The following DLGAP1 variants were observed in gnomAD, a reference collection of about 807,000 sequenced individuals.
The protein encoded by DLGAP1 is DLG associated protein 1, also known as disks large-associated protein 1.
In DLGAP1, 11 loss-of-function variants were observed where a neutral mutation model predicts 90.8. The observed-to-expected ratio is 0.12, with a 90% CI of 0.08 to 0.20. DLGAP1 has a LOEUF of 0.20. DLGAP1 is among the 10% of genes least tolerant of loss of function. The pLI is 1.00. For missense variants in DLGAP1, 1,050 were observed against 1,333.8 expected, an observed-to-expected ratio of 0.79 and a Z score of 3.31; for synonymous variants, 558 against 540.7, an observed-to-expected ratio of 1.03 and a Z score of -0.44.
At chr18:4,083,331 A>G (rs9952950) in intron 2 of DLGAP1, among the ~76,000 whole-genome samples, 47,727 of 151,996 alleles carry the variant, frequency 0.31, 7,575 homozygotes, top group East Asian at 0.34. Flanking sequence ...CTTCTACTTC[A>G]TTCTCATCTT....
chr18:3,576,361 T>A (rs1181534174), intron 8 of DLGAP1, among the ~76,000 whole-genome samples: 1 of 144,070 alleles, frequency 6.9e-6, no homozygotes, highest in Non-Finnish European at 1.5e-5. Context: ...CAGGGTTCAA[T>A]CAATTCTCTG....
chr18:3,508,703 C>A, intron 10 of DLGAP1, 42 bp from the exon 11 acceptor site: 2 of 1,503,382 alleles, frequency 1.3e-6, no homozygotes, highest in Non-Finnish European at 1.8e-6. Flanking sequence ...CATCATGCTT[C>A]ATTGTTGAGA....
chr18:3,879,708 G>T lies in DLGAP1; in HGVS notation c.361C>A (p.Leu121Met). Residue 121 changes from leucine to methionine, a missense_variant, in exon 4 of 13, where the codon CTG (leucine) becomes ATG (methionine). Physicochemically the swap from Leu to Met is conservative, Grantham distance 15. This residue lies in a region of DLGAP1 where 485 missense variants were observed against 454.1 expected (regional missense o/e 1.07). Coordinates refer to ENST00000315677, the MANE Select transcript of DLGAP1 (RefSeq NM_004746.4). The surrounding 1 kb of genome is among the most constrained non-coding windows in gnomAD (Gnocchi z 6.6). ...LPLSRDGYHT[L>M]QYKRTAVEHR... ...TCCACGGCCGTGCGCTTGTACTGCA[G>T]GGTGTGATAGCCATCGCGGCTGAGT... is the stretch of plus-strand genomic sequence containing the variant. 1 of 1,608,758 alleles carries T rather than the reference G, an allele frequency of 6.2e-7. No individual in the cohort carries two copies. The highest frequency in any genetic ancestry group is 8.5e-7 in the Non-Finnish European group (1 of 1,179,866).
At chr18:3,768,201 C>T (rs2064345877) in intron 5 of DLGAP1, among the ~76,000 whole-genome samples, 1 of 152,088 alleles carries the variant, frequency 6.6e-6, no homozygotes. Context: ...ATACCATTTA[C>T]AACTGCTTAG....
At chr18:3,529,187 G>A (rs1461503451) in intron 10 of DLGAP1, among the ~76,000 whole-genome samples, 2 of 152,224 alleles carry the variant, frequency 1.3e-5, no homozygotes, top group East Asian at 3.8e-4. Context: ...CCTATAGGAG[G>A]TGAGTTGGTC....
intron 2 of DLGAP1, among the ~76,000 whole-genome samples, chr18:4,104,152 TTTCTTAAAGA>T (rs1246440616): frequency 2.0e-5 from 3 of 152,174 alleles, no homozygotes; most frequent in African/African-American, 7.2e-5. Context: ...AAATTATTTG[TTTCTTAAAGA>T]TTCAGTAGAA....
intron 7 of DLGAP1, among the ~76,000 whole-genome samples, chr18:3,710,487 T>C (rs1444100682): frequency 6.6e-6 from 1 of 152,240 alleles, no homozygotes; most frequent in Non-Finnish European, 1.5e-5. Flanking sequence ...TTCTCCCCAC[T>C]GTTCCCAGAA....
At chr18:4,172,740 A>T (rs2077044537) in intron 1 of DLGAP1, among the ~76,000 whole-genome samples, 1 of 152,234 alleles carries the variant, frequency 6.6e-6, no homozygotes, top group African/African-American at 2.4e-5. Context: ...AACCCAGAAA[A>T]ATTAGAAGAA....
intron 10 of DLGAP1, among the ~76,000 whole-genome samples, chr18:3,510,728 C>T (rs973723534): frequency 3.3e-5 from 5 of 152,180 alleles, no homozygotes; most frequent in Admixed American, 1.3e-4. Context: ...TGGGAGCTAT[C>T]GCAGAAACTC....
chr18:3,817,205 G>T (rs1218353795), intron 4 of DLGAP1, among the ~76,000 whole-genome samples: 1 of 152,164 alleles, frequency 6.6e-6, no homozygotes, highest in African/African-American at 2.4e-5. Context: ...GTATGTCAGA[G>T]ACTAATGACA....
In DLGAP1 at chr18:3,525,101, AAATC is replaced by A. The variant is rs752867983; in HGVS notation, c.2479+9089_2479+9092del. ...ACAGTGTTCTGGGGGAAAAAAAAAA[AAATC>A]AACAACATTATTTTGTTTTTAAAGA... On this transcript the variant is annotated intron_variant, in intron 10 of 12. Coordinates refer to ENST00000315677, the MANE Select transcript of DLGAP1 (RefSeq NM_004746.4). Among the ~76,000 whole-genome samples the A allele has an allele frequency of 2.6e-3, 368 of 139,880 alleles. 1 individual carries two copies. Among genetic ancestry groups the A allele is most frequent in the South Asian group, 0.016 (72 of 4,612 alleles). The allele number at this position is 139,880 out of a possible 152,430, so 91.8% of individuals were successfully genotyped here.
intron 7 of DLGAP1, among the ~76,000 whole-genome samples, chr18:3,713,450 G>T (rs1049894635): frequency 6.6e-6 from 1 of 152,210 alleles, no homozygotes; most frequent in Non-Finnish European, 1.5e-5. Context: ...TTGTGCATGT[G>T]GGGGAGGCTT....
intron 1 of DLGAP1, among the ~76,000 whole-genome samples, chr18:4,188,915 T>A (rs1409315544): frequency 6.6e-6 from 1 of 152,212 alleles, no homozygotes; most frequent in Admixed American, 6.5e-5. Context: ...GAAGACCTTT[T>A]ACTCACTGGA....
At chr18:3,867,359 T>C (rs1231448131) in intron 4 of DLGAP1, among the ~76,000 whole-genome samples, 1 of 152,072 alleles carries the variant, frequency 6.6e-6, no homozygotes, top group Non-Finnish European at 1.5e-5. Flanking sequence ...CCCTTCCAAA[T>C]TATGTAATAA....
intron 9 of DLGAP1, among the ~76,000 whole-genome samples, chr18:3,551,752 C>CTTCCTTCCTTCT (rs2053485554): frequency 1.2e-5 from 1 of 85,274 alleles, no homozygotes; most frequent in Non-Finnish European, 2.2e-5. Flanking sequence ...TCCTTCCTTC[C>CTTCCTTCCTTCT]TTCCTTCCTT....
intron 1 of DLGAP1, among the ~76,000 whole-genome samples, chr18:4,281,759 G>A (rs961218819): frequency 6.6e-6 from 1 of 151,934 alleles, no homozygotes. Context: ...TTTCCTTCAG[G>A]GGTTGTATAA....
chr18:3,820,097 T>C (rs2067323673), intron 4 of DLGAP1, among the ~76,000 whole-genome samples: 1 of 152,142 alleles, frequency 6.6e-6, no homozygotes, highest in Admixed American at 6.6e-5. Flanking sequence ...GAGACGATGA[T>C]TGAGAGATGA....
chr18:3,958,622 CAAA>C (rs11342881), intron 3 of DLGAP1, among the ~76,000 whole-genome samples: 14 of 123,534 alleles, frequency 1.1e-4, no homozygotes, highest in Non-Finnish European at 1.0e-4. Flanking sequence ...ATCCTCTTTA[CAAA>C]AAAAAAAAAA....
chr18:4,224,500 C>A (rs1480294301), intron 1 of DLGAP1, among the ~76,000 whole-genome samples: 1 of 152,256 alleles, frequency 6.6e-6, no homozygotes, highest in Non-Finnish European at 1.5e-5. Flanking sequence ...GGCCTGACCA[C>A]ATTTGCCATA....
Sources: allele counts gnomAD v4.1 joint callset (sites outside exome capture counted in the v4.1 genomes callset), GRCh38; gene constraint gnomAD v4.1.1; regional missense constraint gnomAD v4.1.1; non-coding constraint Gnocchi (gnomAD v3.1); transcripts MANE v1.5; gene names NCBI Gene and HGNC (gene_info 2026-07-23, HGNC 2026-07-21).